The following CDH13 variants were observed in gnomAD, a reference collection of about 807,000 sequenced individuals.
CDH13 encodes the protein cadherin 13, also known as cadherin-13.
In CDH13, 24 loss-of-function variants were observed where a neutral mutation model predicts 63.8. The observed-to-expected ratio is 0.38, with a 90% CI of 0.27 to 0.53. The LOEUF is 0.53. CDH13 is among the 20% of genes least tolerant of loss of function. The pLI, the probability that CDH13 is intolerant of heterozygous loss-of-function variation, is 0.85. For synonymous variants in CDH13, 503 were observed against 355.3 expected (o/e 1.42, Z -4.67); for missense variants, 1,049 against 903.1 (o/e 1.16, Z -2.07).
intron 4 of CDH13, among the ~76,000 whole-genome samples, chr16:83,194,884 A>C (rs1475827188): frequency 6.6e-6 from 1 of 152,162 alleles, no homozygotes; most frequent in African/African-American, 2.4e-5. Flanking sequence ...CATTCCTACA[A>C]TCTCCTTTTT....
At chr16:82,959,839 A>G (rs906296942) in intron 2 of CDH13, among the ~76,000 whole-genome samples, 1 of 152,188 alleles carries the variant, frequency 6.6e-6, no homozygotes, top group Non-Finnish European at 1.5e-5. Context: ...TTCCAGTTTT[A>G]GCATTTATGA....
chr16:83,431,297 T>C (rs754111249), intron 6 of CDH13, among the ~76,000 whole-genome samples: 3 of 151,940 alleles, frequency 2.0e-5, no homozygotes, highest in African/African-American at 7.3e-5. Flanking sequence ...CCAGTTCTTA[T>C]AATTGTTGCA....
At chr16:83,742,883 G>A (rs1912198167) in intron 10 of CDH13, among the ~76,000 whole-genome samples, 1 of 152,182 alleles carries the variant, frequency 6.6e-6, no homozygotes, top group Admixed American at 6.5e-5. Context: ...ATACCTCCTT[G>A]AGGTCTCCCA....
chr16:83,097,895 C>G (rs2034285077), intron 3 of CDH13, among the ~76,000 whole-genome samples: 1 of 152,038 alleles, frequency 6.6e-6, no homozygotes, highest in African/African-American at 2.4e-5. Context: ...TTTGTTCATT[C>G]CTTCTTACAA....
chr16:82,849,574 C>T (rs984396204), intron 1 of CDH13, among the ~76,000 whole-genome samples: 18 of 152,262 alleles, frequency 1.2e-4, no homozygotes, highest in South Asian at 2.1e-4. Context: ...GCAAGTCATC[C>T]AGAAGATCTA....
chr16:83,006,023 T>C (rs1913453799), intron 2 of CDH13, among the ~76,000 whole-genome samples: 2 of 152,224 alleles, frequency 1.3e-5, no homozygotes, highest in Non-Finnish European at 2.9e-5. Flanking sequence ...TTTTGAAATG[T>C]ACTCAGTTCA....
intron 2 of CDH13, among the ~76,000 whole-genome samples, chr16:82,861,253 G>A (rs986590547): frequency 4.6e-5 from 7 of 152,186 alleles, no homozygotes; most frequent in African/African-American, 1.4e-4. Flanking sequence ...CCCTACTCAT[G>A]ACATTTGCAC....
intron 10 of CDH13, among the ~76,000 whole-genome samples, chr16:83,744,137 G>A (rs1912338440): frequency 6.6e-6 from 1 of 152,146 alleles, no homozygotes; most frequent in Non-Finnish European, 1.5e-5. Context: ...GCCCAAGGAA[G>A]CATTCTGTGT....
chr16:83,793,687 C>T (rs1916419363), intron 13 of CDH13, among the ~76,000 whole-genome samples: 1 of 152,096 alleles, frequency 6.6e-6, no homozygotes, highest in Non-Finnish European at 1.5e-5. Flanking sequence ...GGGCAGGCAC[C>T]TGTCATCCCA....
At chr16:83,715,454 G>T (rs1908747216) in intron 10 of CDH13, among the ~76,000 whole-genome samples, 1 of 152,168 alleles carries the variant, frequency 6.6e-6, no homozygotes, top group South Asian at 2.1e-4. Context: ...CGGTAAGGGA[G>T]CCAGGATCCT....
intron 6 of CDH13, among the ~76,000 whole-genome samples, chr16:83,419,480 C>T (rs1487308705): frequency 6.6e-6 from 1 of 152,176 alleles, no homozygotes; most frequent in Non-Finnish European, 1.5e-5. Context: ...ACTTTTACAT[C>T]CTTAGATCAG....
chr16:83,322,767 T>G (rs2090258657), intron 5 of CDH13, among the ~76,000 whole-genome samples: 1 of 152,134 alleles, frequency 6.6e-6, no homozygotes, highest in South Asian at 2.1e-4. Flanking sequence ...TCTACAGTCA[T>G]TATAATGTCA....
chr16:83,323,627 TAAAC>T (rs1037517747), intron 5 of CDH13, among the ~76,000 whole-genome samples: 10 of 152,076 alleles, frequency 6.6e-5, no homozygotes, highest in African/African-American at 9.6e-5. Flanking sequence ...AAAACAAAAA[TAAAC>T]AAAAAATAAA....
intron 4 of CDH13, among the ~76,000 whole-genome samples, chr16:83,148,022 C>T (rs867339226): frequency 2.0e-5 from 3 of 152,174 alleles, no homozygotes; most frequent in Non-Finnish European, 4.4e-5. Flanking sequence ...CAACCTCAGC[C>T]TCCTAGGTAC....
intron 1 of CDH13, among the ~76,000 whole-genome samples, chr16:82,747,689 A>T (rs1292668548): frequency 1.4e-5 from 2 of 146,520 alleles, no homozygotes; most frequent in Non-Finnish European, 3.1e-5. Context: ...TTAAACAGAA[A>T]TCTTAGAGGC....
At chr16:83,196,485 A>G (rs1194113612) in intron 4 of CDH13, among the ~76,000 whole-genome samples, 2 of 152,196 alleles carry the variant, frequency 1.3e-5, no homozygotes, top group African/African-American at 4.8e-5. Flanking sequence ...TCCTGTTAAG[A>G]GAATGGAAAG....
intron 8 of CDH13, among the ~76,000 whole-genome samples, chr16:83,666,612 C>G (rs1030589862): frequency 6.6e-6 from 1 of 152,214 alleles, no homozygotes. Flanking sequence ...CTCTCTGGCT[C>G]TCCCCTTCAT....
At chr16:82,874,725 C>T (rs1414231126) in intron 2 of CDH13, among the ~76,000 whole-genome samples, 1 of 152,074 alleles carries the variant, frequency 6.6e-6, no homozygotes, top group East Asian at 1.9e-4. Context: ...TGAGTCAAAA[C>T]CTCCCAGGAA....
intron 10 of CDH13, among the ~76,000 whole-genome samples, chr16:83,702,216 C>T (rs1172654579): frequency 6.6e-6 from 1 of 152,172 alleles, no homozygotes; most frequent in Admixed American, 6.5e-5. Context: ...CTTGGCATAG[C>T]TTCCATCACA....
Sources: gnomAD v4.1 joint callset for allele counts (sites outside exome capture counted in the v4.1 genomes callset) on GRCh38, gnomAD v4.1.1 for gene constraint, MANE v1.5 for transcripts, NCBI Gene and HGNC (gene_info 2026-07-23, HGNC 2026-07-21) for gene names.